The following WWOX variants were observed in gnomAD, a reference collection of about 807,000 sequenced individuals.
WWOX encodes WW domain-containing oxidoreductase.
A neutral mutation model predicts 46.2 loss-of-function variants in WWOX; 69 were observed. The observed-to-expected ratio is 1.49, with a 90% CI of 1.23 to 1.82. The LOEUF is 1.82. Among genes scored for constraint, WWOX ranks in the 40% most tolerant of loss-of-function variants. The pLI is 0.00. For missense variants in WWOX, 919 were observed against 542.6 expected, an observed-to-expected ratio of 1.69 and a Z score of -6.89; for synonymous variants, 359 against 202.6, an observed-to-expected ratio of 1.77 and a Z score of -6.56.
At chr16:78,749,107 C>T (rs1049841554) in intron 8 of WWOX, among the ~76,000 whole-genome samples, 4 of 152,060 alleles carry the variant, frequency 2.6e-5, no homozygotes, top group African/African-American at 7.2e-5. Context: ...GTTGGTGGAC[C>T]GAGGCTATGG....
chr16:78,119,268 C>G (rs928786076), intron 4 of WWOX, among the ~76,000 whole-genome samples: 13 of 152,162 alleles, frequency 8.5e-5, no homozygotes, highest in African/African-American at 2.9e-4. Flanking sequence ...ACATTACATG[C>G]AAATGTTGGG....
intron 8 of WWOX, among the ~76,000 whole-genome samples, chr16:78,693,960 T>C (rs920144870): frequency 5.3e-5 from 8 of 152,082 alleles, no homozygotes; most frequent in Non-Finnish European, 7.4e-5. Context: ...CGTCTGGACG[T>C]GGTGGCTCAT....
intron 8 of WWOX, among the ~76,000 whole-genome samples, chr16:78,701,615 C>A (rs75459533): frequency 0.012 from 1,763 of 152,134 alleles, 33 homozygotes; most frequent in African/African-American, 0.04. Context: ...CCACCTGCCT[C>A]CCCCACACTC....
In WWOX at chr16:78,773,126, T is replaced by C. The variant is rs904309501; in HGVS notation, c.1056+340374T>C. Among the ~76,000 whole-genome samples the C allele has an allele frequency of 3.9e-5, 6 of 152,178 alleles. 1 individual carries two copies. The highest frequency in any genetic ancestry group is 7.3e-5 in the Non-Finnish European group (5 of 68,030). On this transcript the variant is annotated intron_variant, in intron 8 of 8. Coordinates refer to ENST00000566780, the MANE Select transcript of WWOX (RefSeq NM_016373.4). Reference sequence around the variant, plus strand: ...GCTAGTGAGTGGCTAGATTGTAAGCTTCATGAGGGCAGGGGACTTTGACGA... The same window carrying C: ...GCTAGTGAGTGGCTAGATTGTAAGCCTCATGAGGGCAGGGGACTTTGACGA...
intron 8 of WWOX, among the ~76,000 whole-genome samples, chr16:79,154,920 G>T (rs1024827246): frequency 6.6e-6 from 1 of 152,162 alleles, no homozygotes; most frequent in African/African-American, 2.4e-5. Flanking sequence ...AAAAATGAAA[G>T]AAAGAAAGAA....
intron 8 of WWOX, among the ~76,000 whole-genome samples, chr16:78,736,315 G>T (rs960720863): frequency 2.0e-5 from 3 of 152,116 alleles, no homozygotes; most frequent in African/African-American, 7.2e-5. Flanking sequence ...TATGTTGCCA[G>T]GTGTCTTGGG....
In WWOX at chr16:79,168,155, G is replaced by A. The variant is rs190824610; in HGVS notation, c.1057-43453G>A. 1.5e-3 allele frequency among the ~76,000 whole-genome samples: 225 copies of A among 152,190 alleles called. 1 individual carries two copies. The highest frequency in any genetic ancestry group is 5.2e-3 in the African/African-American group (215 of 41,530). On this transcript the variant is annotated intron_variant, in intron 8 of 8. Transcript: ENST00000566780. ...ATTGATGGACATTTGGGTTGTTTCC[G>A]CCTTCTAGGTATAATGACTTGTGTT...
chr16:78,449,715 T>G (rs2083645388), intron 8 of WWOX, among the ~76,000 whole-genome samples: 1 of 152,196 alleles, frequency 6.6e-6, no homozygotes, highest in Non-Finnish European at 1.5e-5. Context: ...AGTCATTTAA[T>G]AAGAAAGCTT....
intron 8 of WWOX, among the ~76,000 whole-genome samples, chr16:78,604,529 T>C (rs536884874): frequency 1.3e-5 from 2 of 152,288 alleles, no homozygotes; most frequent in East Asian, 3.9e-4. Flanking sequence ...ATTAGAAAAA[T>C]ACAAAATAGT....
intron 8 of WWOX, among the ~76,000 whole-genome samples, chr16:78,656,333 G>A (rs2047080012): frequency 6.6e-6 from 1 of 152,106 alleles, no homozygotes; most frequent in Non-Finnish European, 1.5e-5. Flanking sequence ...CCTGGTGCCT[G>A]TATTAGTCTG....
At chr16:78,941,944 T>C (rs2045859922) in intron 8 of WWOX, among the ~76,000 whole-genome samples, 1 of 152,280 alleles carries the variant, frequency 6.6e-6, no homozygotes, top group Admixed American at 6.5e-5. Flanking sequence ...GTAAACATTG[T>C]GCTGTATTCC....
chr16:79,087,903 G>A (rs761802444), intron 8 of WWOX, among the ~76,000 whole-genome samples: 5 of 152,142 alleles, frequency 3.3e-5, no homozygotes, highest in Non-Finnish European at 7.3e-5. Flanking sequence ...GGATGTTCTG[G>A]ACTCAAGGAG....
intron 5 of WWOX, among the ~76,000 whole-genome samples, chr16:78,209,521 C>A (rs915373538): frequency 2.0e-5 from 3 of 152,182 alleles, no homozygotes; most frequent in Non-Finnish European, 4.4e-5. Context: ...TGACTCATAG[C>A]AAGCTCATGC....
chr16:78,729,421 C>A (rs944232394), intron 8 of WWOX, among the ~76,000 whole-genome samples: 7 of 151,774 alleles, frequency 4.6e-5, no homozygotes, highest in African/African-American at 1.7e-4. Flanking sequence ...GTGGATATGC[C>A]CTTACTTGGA....
intron 8 of WWOX, among the ~76,000 whole-genome samples, chr16:78,853,970 A>G (rs773442329): frequency 1.3e-5 from 2 of 152,210 alleles, no homozygotes; most frequent in Admixed American, 6.5e-5. Flanking sequence ...AGGAATTTCC[A>G]GAATGTTCGA....
At chr16:78,378,717 C>G (rs1047728198) in intron 5 of WWOX, among the ~76,000 whole-genome samples, 9 of 152,096 alleles carry the variant, frequency 5.9e-5, no homozygotes, top group Admixed American at 6.6e-5. Flanking sequence ...TGAGAGACAT[C>G]AGCATAATGC....
At chr16:78,680,763 G>C (rs1244301965) in intron 8 of WWOX, among the ~76,000 whole-genome samples, 1 of 152,110 alleles carries the variant, frequency 6.6e-6, no homozygotes, top group Non-Finnish European at 1.5e-5. Context: ...GCACAGTTTG[G>C]GTATGGAGCA....
At chr16:79,023,348 G>T (rs2047573042) in intron 8 of WWOX, among the ~76,000 whole-genome samples, 1 of 152,194 alleles carries the variant, frequency 6.6e-6, no homozygotes, top group Non-Finnish European at 1.5e-5. Context: ...CTCTTGGTAT[G>T]AGTTCTAGGG....
chr16:79,133,597 T>C lies in WWOX; in HGVS notation c.1057-78011T>C, dbSNP rs148176010. On this transcript the variant is annotated intron_variant, in intron 8 of 8. Coordinates refer to ENST00000566780, the MANE Select transcript of WWOX (RefSeq NM_016373.4). ...TTTAATGGAGTGCAAGGTGCAGTCTTTTTGAAGATGTAGAATGTGGCCTTA... is the reference window on the plus strand; with the variant it reads ...TTTAATGGAGTGCAAGGTGCAGTCTCTTTGAAGATGTAGAATGTGGCCTTA... Among the ~76,000 whole-genome samples, 734 of 152,320 alleles carry C rather than the reference T, an allele frequency of 4.8e-3. 8 individuals are homozygous for C. The highest frequency in any genetic ancestry group is 0.017 in the African/African-American group (686 of 41,564).
Sources: allele counts gnomAD v4.1 joint callset (sites outside exome capture counted in the v4.1 genomes callset), GRCh38; gene constraint gnomAD v4.1.1; transcripts MANE v1.5; gene names NCBI Gene and HGNC (gene_info 2026-07-23, HGNC 2026-07-21).